The following SCG3 variants were observed in gnomAD, a reference collection of about 807,000 sequenced individuals.
SCG3 encodes secretogranin-3.
A neutral mutation model predicts 56.2 loss-of-function variants in SCG3; 38 were observed. The observed-to-expected ratio is 0.68, with a 90% CI of 0.52 to 0.89. The LOEUF is 0.89. Ranked by LOEUF, SCG3 falls within the 40% of genes least tolerant of loss-of-function variation. The pLI is 0.00. For synonymous variants in SCG3, 176 were observed against 184.2 expected, an observed-to-expected ratio of 0.96 and a Z score of 0.36; for missense variants, 524 against 540.7, an observed-to-expected ratio of 0.97 and a Z score of 0.31.
intron 6 of SCG3, among the ~76,000 whole-genome samples, chr15:51,690,470 A>T (rs1337230530): frequency 1.3e-5 from 2 of 151,860 alleles, no homozygotes; most frequent in African/African-American, 4.8e-5. Flanking sequence ...AAGACTATAG[A>T]GGCTGATGGT....
At chr15:51,685,217 C>T (rs902582382) in intron 4 of SCG3, among the ~76,000 whole-genome samples, 1 of 152,172 alleles carries the variant, frequency 6.6e-6, no homozygotes, top group Non-Finnish European at 1.5e-5. Flanking sequence ...TTGAATTCGA[C>T]TTTTTTACCT....
rs182576005 is a variant in SCG3, at chr15:51,686,565, G to A, written c.398-1695G>A. The stretch of plus-strand genomic sequence containing the variant: ...GGCAGTTTCTGCTCTATGTATTCCT[G>A]ACAGCCTGACTTGCAATCCGCAAAT... On this transcript the variant is annotated intron_variant, in intron 4 of 11. Coordinates refer to ENST00000220478, the MANE Select transcript of SCG3 (RefSeq NM_013243.4). Among the ~76,000 whole-genome samples, 32 of 152,238 alleles carry A rather than the reference G, an allele frequency of 2.1e-4. No homozygotes were observed. The East Asian group carries it at 6.0e-3, about 28-fold the overall frequency.
chr15:51,682,853 A>G (rs2055203504), intron 2 of SCG3, among the ~76,000 whole-genome samples: 1 of 152,200 alleles, frequency 6.6e-6, no homozygotes, highest in Non-Finnish European at 1.5e-5. Context: ...TTTACCAGAG[A>G]TTTCTCTTTC....
At chr15:51,691,648 G>C (rs1334973475) in intron 6 of SCG3, among the ~76,000 whole-genome samples, 1 of 152,150 alleles carries the variant, frequency 6.6e-6, no homozygotes, top group African/African-American at 2.4e-5. Context: ...GCAAGTCACT[G>C]AACAAAAACC....
intron 7 of SCG3, among the ~76,000 whole-genome samples, chr15:51,694,867 C>T (rs961631695): frequency 2.6e-5 from 4 of 152,040 alleles, no homozygotes; most frequent in African/African-American, 9.7e-5. Context: ...CCAGTCTCTA[C>T]TAAAAATACA....
At chr15:51,710,783 A>G (rs1239592797) in intron 10 of SCG3, among the ~76,000 whole-genome samples, 8 of 135,988 alleles carry the variant, frequency 5.9e-5, no homozygotes, top group Non-Finnish European at 1.2e-4. Context: ...TTTGGTAGAC[A>G]TGGGGTTTTT....
At chr15:51,683,192 G>C (rs1055379799) in intron 3 of SCG3, 27 bp from the exon 4 acceptor site, 3 of 1,606,730 alleles carry the variant, frequency 1.9e-6, no homozygotes, top group Non-Finnish European at 8.5e-7. Flanking sequence ...TAAAATGGCT[G>C]TGTTGGGTTT....
Position 51,692,177 on chromosome 15 carries a change from C to A in SCG3, c.709C>A (p.Gln237Lys). 1 of 1,610,204 alleles carries A rather than the reference C, an allele frequency of 6.2e-7. No homozygotes were observed. The highest frequency in any genetic ancestry group is 8.5e-7 in the Non-Finnish European group (1 of 1,178,298). ...ACTGGAGACTCCAATGGCAGCAATT[C>A]AAGATGGTCTTGCTAAGGGAGAAAA... is the stretch of plus-strand genomic sequence containing the variant. ...PEKVTPMAAI[Q>K]DGLAKGENDE... The change falls in exon 7 of 12, where the codon CAA (glutamine) becomes AAA (lysine). Residue 237 changes from glutamine (Q) to lysine (K), a missense_variant. By Grantham distance (53) the Gln-to-Lys change is moderately conservative. Transcript: ENST00000220478.
In SCG3 at chr15:51,701,239, C is replaced by G. The variant is rs767323495; in HGVS notation, c.1202C>G (p.Pro401Arg). 6.3e-7 allele frequency: 1 copy of G among 1,594,502 alleles called. No homozygotes were observed. The highest frequency in any genetic ancestry group is 8.5e-7 in the Non-Finnish European group (1 of 1,172,790). Reference protein sequence around the residue: ...NSNPGGKTDEPKGKTEAYLEA... With the variant: ...NSNPGGKTDERKGKTEAYLEA... ...AACCCAGGAGGAAAGACAGATGAAC[C>G]CAAAGGTATGGGATTGACAGCTCTA... The change falls in exon 10 of 12, where the codon CCC becomes CGC. Residue 401 changes from proline to arginine, a missense_variant. By Grantham distance (103) the Pro-to-Arg change is moderately radical. Transcript: ENST00000220478.
At chr15:51,685,856 T>C (rs2055225513) in intron 4 of SCG3, among the ~76,000 whole-genome samples, 1 of 152,236 alleles carries the variant, frequency 6.6e-6, no homozygotes, top group African/African-American at 2.4e-5. Context: ...TTGGGGCTCC[T>C]GTATGCATTC....
intron 10 of SCG3, among the ~76,000 whole-genome samples, chr15:51,706,450 G>C (rs1296918658): frequency 6.6e-6 from 1 of 152,154 alleles, no homozygotes; most frequent in Non-Finnish European, 1.5e-5. Context: ...GATAGAACAG[G>C]ATCCCTTCAG....
chr15:51,708,597 T>G (rs903876910), intron 10 of SCG3, among the ~76,000 whole-genome samples: 18 of 152,224 alleles, frequency 1.2e-4, no homozygotes, highest in African/African-American at 4.3e-4. Context: ...GGCTCACGCC[T>G]GTCATCCCAG....
At chr15:51,705,832 T>C (rs898348145) in intron 10 of SCG3, among the ~76,000 whole-genome samples, 21 of 152,172 alleles carry the variant, frequency 1.4e-4, no homozygotes, top group African/African-American at 5.1e-4. Flanking sequence ...AGCCTAGTGT[T>C]ATTCTTTGCA....
In SCG3 at chr15:51,692,465, G is replaced by A. The variant is rs529059857; in HGVS notation, c.868+129G>A. 4 of 789,470 alleles carry A rather than the reference G, an allele frequency of 5.1e-6. No individual in the cohort carries two copies. In the South Asian group the frequency reaches 9.1e-5, roughly 18 times the overall value. 48.9% of individuals were successfully genotyped at this position (789,470 alleles called of 1,614,324 possible). A position where few individuals can be genotyped will look rare whatever the true frequency, so the allele number is the denominator to read the frequency against. ...CAATGACATACACTGTGGGCTTGGGGAAAAGGGTTCACATCGATTTTTTTT... is the reference window on the plus strand; with the variant it reads ...CAATGACATACACTGTGGGCTTGGGAAAAAGGGTTCACATCGATTTTTTTT... On this transcript the variant is annotated intron_variant, in intron 7 of 11. Coordinates refer to ENST00000220478, the MANE Select transcript of SCG3 (RefSeq NM_013243.4).
intron 10 of SCG3, among the ~76,000 whole-genome samples, chr15:51,709,129 G>T (rs1405956932): frequency 6.6e-6 from 1 of 152,182 alleles, no homozygotes; most frequent in Non-Finnish European, 1.5e-5. Flanking sequence ...TTATAATCAT[G>T]GCGGAAGGGG....
At chr15:51,694,313 G>C (rs1329221342) in intron 7 of SCG3, among the ~76,000 whole-genome samples, 1 of 151,440 alleles carries the variant, frequency 6.6e-6, no homozygotes, top group Non-Finnish European at 1.5e-5. Flanking sequence ...CAGTGGCCTT[G>C]TTTGCTCCCT....
intron 10 of SCG3, among the ~76,000 whole-genome samples, chr15:51,711,724 A>G (rs560264016): frequency 6.6e-6 from 1 of 152,358 alleles, no homozygotes; most frequent in East Asian, 1.9e-4. Context: ...GCCTCAAACA[A>G]TCCTCCCTCT....
chr15:51,719,197 GTGA>G (rs1204467721), intron 11 of SCG3, among the ~76,000 whole-genome samples: 3 of 152,242 alleles, frequency 2.0e-5, no homozygotes, highest in Non-Finnish European at 4.4e-5. Context: ...TCACAGGGTT[GTGA>G]TGAAGCACAG....
At chr15:51,697,270 T>C (rs2055309998) in intron 8 of SCG3, among the ~76,000 whole-genome samples, 1 of 144,496 alleles carries the variant, frequency 6.9e-6, no homozygotes, top group East Asian at 1.9e-4. Flanking sequence ...AGACACTGTT[T>C]TCATATCAAT....
Sources: allele counts gnomAD v4.1 joint callset (sites outside exome capture counted in the v4.1 genomes callset), GRCh38; gene constraint gnomAD v4.1.1; transcripts MANE v1.5; gene names NCBI Gene and HGNC (gene_info 2026-07-23, HGNC 2026-07-21).